CTNNA3: variants seen among roughly 807,000 people sequenced by gnomAD.
The protein encoded by CTNNA3 is catenin alpha 3.
In CTNNA3, 76 loss-of-function variants were observed where a neutral mutation model predicts 95.7. The ratio of observed to expected loss-of-function variants is 0.79; its 90% confidence interval spans 0.66 to 0.96. The LOEUF is 0.96. Among genes scored for constraint, CTNNA3 ranks in the 40% least tolerant of loss-of-function variants. The pLI, the probability that CTNNA3 is intolerant of heterozygous loss-of-function variation, is 0.00. For synonymous variants in CTNNA3, 431 were observed against 374.4 expected (o/e 1.15, Z -1.74); for missense variants, 1,191 against 1,089.8 (o/e 1.09, Z -1.31).
intron 11 of CTNNA3, among the ~76,000 whole-genome samples, chr10:66,408,789 G>A (rs1589210706): frequency 6.6e-6 from 1 of 152,110 alleles, no homozygotes; most frequent in Admixed American, 6.6e-5. Context: ...AAAGAACAGT[G>A]TATAAAACCT....
chr10:66,593,871 G>A (rs192367678), intron 10 of CTNNA3, among the ~76,000 whole-genome samples: 1 of 152,088 alleles, frequency 6.6e-6, no homozygotes, highest in Non-Finnish European at 1.5e-5. Flanking sequence ...TTCCCTGATA[G>A]CTGAATTTTG....
rs144736202 is a variant in CTNNA3, at chr10:65,916,205, T to C, written c.*4125A>G. The C allele has an allele frequency of 2.8e-4, 42 of 152,108 alleles. No homozygotes were observed. The East Asian group carries it at 7.5e-3, about 27-fold the overall frequency. The allele number at this position is 152,108 out of a possible 1,614,324, so 9.4% of individuals were successfully genotyped here. ...ATTTTCCTACTTTACTTAAAAAGAA[T>C]TATTAAAATAATATAAAATTATATT... On this transcript the variant is annotated 3_prime_UTR_variant, in exon 18 of 18. Transcript: ENST00000433211.
In CTNNA3 at chr10:66,477,175, T is replaced by C. The variant is rs115443112; in HGVS notation, c.1531+43442A>G. On this transcript the variant is annotated intron_variant, in intron 11 of 17. Transcript: ENST00000433211. ...AGATGATGAAAGATAATATATTTGA[T>C]ATACATCAATTTTTATTTCTACAAA... Among the ~76,000 whole-genome samples, 384 of 152,272 alleles carry C rather than the reference T, an allele frequency of 2.5e-3. 2 individuals are homozygous for C. Among genetic ancestry groups the C allele is most frequent in the African/African-American group, 8.7e-3 (361 of 41,576 alleles).
At chr10:67,047,417 A>C (rs546431885) in intron 7 of CTNNA3, among the ~76,000 whole-genome samples, 1 of 152,294 alleles carries the variant, frequency 6.6e-6, no homozygotes, top group African/African-American at 2.4e-5. Flanking sequence ...ATGAAAGGAT[A>C]GTGCTAAGTG....
At chr10:67,742,403 T>G (rs894756974) in intron 1 of CTNNA3, among the ~76,000 whole-genome samples, 2 of 150,988 alleles carry the variant, frequency 1.3e-5, no homozygotes, top group African/African-American at 4.9e-5. Flanking sequence ...GAATGACTAC[T>G]GGGTACATAA....
Position 65,995,462 on chromosome 10 carries a change from C to T in CTNNA3, c.2160-6665G>A, listed in dbSNP as rs569593959. Among the ~76,000 whole-genome samples, 6 of 152,110 alleles carry T rather than the reference C, an allele frequency of 3.9e-5. No homozygotes were observed. In the South Asian group the frequency reaches 1.2e-3, roughly 32 times the overall value. ...ATTTCCTCTGTCAATTAGGCTGTGG[C>T]TGTTAGTGCAGGCTGTGGTAAGGCT... On this transcript the variant is annotated intron_variant, in intron 15 of 17. Transcript: ENST00000433211.
chr10:66,319,320 C>G (rs1326653070), intron 12 of CTNNA3, among the ~76,000 whole-genome samples: 1 of 152,076 alleles, frequency 6.6e-6, no homozygotes, highest in Non-Finnish European at 1.5e-5. Context: ...TATTTACTCT[C>G]CCTTTACATT....
At chr10:66,908,922 G>A (rs1305367690) in intron 7 of CTNNA3, among the ~76,000 whole-genome samples, 1 of 152,150 alleles carries the variant, frequency 6.6e-6, no homozygotes, top group East Asian at 1.9e-4. Flanking sequence ...ACCTAGAATG[G>A]GAAGTAGCAC....
At chr10:67,017,361 TTA>T (rs1852721416) in intron 7 of CTNNA3, among the ~76,000 whole-genome samples, 1 of 152,188 alleles carries the variant, frequency 6.6e-6, no homozygotes, top group Non-Finnish European at 1.5e-5. Flanking sequence ...CTGTTTCTGA[TTA>T]GAATCTAGGA....
At chr10:67,189,276 T>C (rs1239839882) in intron 6 of CTNNA3, among the ~76,000 whole-genome samples, 1 of 151,942 alleles carries the variant, frequency 6.6e-6, no homozygotes, top group African/African-American at 2.4e-5. Flanking sequence ...TCCAAAAGAA[T>C]CTAACTCGGA....
intron 17 of CTNNA3, among the ~76,000 whole-genome samples, chr10:65,955,919 G>T (rs2077719544): frequency 6.6e-6 from 1 of 152,144 alleles, no homozygotes; most frequent in Admixed American, 6.5e-5. Flanking sequence ...AGTTAGGGAG[G>T]ATTTCGTCTT....
chr10:65,994,717 C>A (rs2078616852), intron 15 of CTNNA3, among the ~76,000 whole-genome samples: 1 of 152,052 alleles, frequency 6.6e-6, no homozygotes, highest in Non-Finnish European at 1.5e-5. Context: ...TTTTAAGTTT[C>A]CAGGCATCAT....
At chr10:66,973,241 A>G (rs1206130121) in intron 7 of CTNNA3, among the ~76,000 whole-genome samples, 1 of 152,198 alleles carries the variant, frequency 6.6e-6, no homozygotes, top group Non-Finnish European at 1.5e-5. Flanking sequence ...GAAATAAAAC[A>G]GTATTGAGTA....
At chr10:67,041,321 C>G (rs1436194490) in intron 7 of CTNNA3, among the ~76,000 whole-genome samples, 1 of 152,090 alleles carries the variant, frequency 6.6e-6, no homozygotes, top group African/African-American at 2.4e-5. Context: ...CCCCAAGCTG[C>G]CCAAGGGGCC....
chr10:67,520,363 G>C (rs1206424517), intron 5 of CTNNA3, among the ~76,000 whole-genome samples: 1 of 152,056 alleles, frequency 6.6e-6, no homozygotes, highest in Non-Finnish European at 1.5e-5. Context: ...GCTAATAAAA[G>C]AATCCAATCA....
At chr10:66,200,479 T>C (rs979117720) in intron 13 of CTNNA3, among the ~76,000 whole-genome samples, 2 of 152,186 alleles carry the variant, frequency 1.3e-5, no homozygotes, top group Admixed American at 1.3e-4. Context: ...AGCTACTAAA[T>C]GTACTGAAGC....
In CTNNA3 at chr10:66,716,525, G is replaced by A. The variant is rs138345631; in HGVS notation, c.1281+49739C>T. 6.4e-3 allele frequency among the ~76,000 whole-genome samples: 971 copies of A among 152,152 alleles called. 10 individuals are homozygous for A. The highest frequency in any genetic ancestry group is 0.022 in the African/African-American group (916 of 41,494). The stretch of plus-strand genomic sequence containing the variant: ...GAAAAATTGTGGAGAAGAATTTTCC[G>A]GTAGCCCGAGTAATATTAACCACGA... On this transcript the variant is annotated intron_variant, in intron 9 of 17. Coordinates refer to ENST00000433211, the MANE Select transcript of CTNNA3 (RefSeq NM_013266.4).
At chr10:66,768,575 T>C (rs144072723) in intron 8 of CTNNA3, among the ~76,000 whole-genome samples, 53 of 152,314 alleles carry the variant, frequency 3.5e-4, no homozygotes, top group African/African-American at 1.2e-3. Context: ...ATTCCCATCA[T>C]GGACTTGTTA....
In CTNNA3 at chr10:66,664,829, C is replaced by T. The variant is rs144128965; in HGVS notation, c.1282-43045G>A. The stretch of plus-strand genomic sequence containing the variant: ...ATAATATTATTCAATTTTGTCCTTA[C>T]GACAATATTATAAAGCTTTGCTCAT... On this transcript the variant is annotated intron_variant, in intron 9 of 17. Transcript: ENST00000433211. 2.6e-3 allele frequency among the ~76,000 whole-genome samples: 383 copies of T among 149,364 alleles called. 1 individual carries two copies. The highest frequency in any genetic ancestry group is 6.1e-3 in the South Asian group (29 of 4,766).
Sources: allele counts gnomAD v4.1 joint callset (sites outside exome capture counted in the v4.1 genomes callset), GRCh38; gene constraint gnomAD v4.1.1; transcripts MANE v1.5; gene names NCBI Gene and HGNC (gene_info 2026-07-23, HGNC 2026-07-21).